The following CD164 variants were observed in gnomAD, a reference collection of about 807,000 sequenced individuals.
CD164 encodes CD164 molecule.
A neutral mutation model predicts 24.6 loss-of-function variants in CD164; 11 were observed. The observed-to-expected ratio is 0.45, with a 90% CI of 0.28 to 0.74. The LOEUF (loss-of-function observed/expected upper bound fraction) is 0.74. Ranked by LOEUF, CD164 falls within the 30% of genes least tolerant of loss-of-function variation. CD164 has a pLI of 0.13. For missense variants in CD164, 295 were observed against 243.7 expected, an observed-to-expected ratio of 1.21 and a Z score of -1.40; for synonymous variants, 126 against 100.3, an observed-to-expected ratio of 1.26 and a Z score of -1.53.
Position 109,368,213 on chromosome 6 carries a change from T to A in CD164, c.*638A>T. 2 of 1,413,134 alleles carry A rather than the reference T, an allele frequency of 1.4e-6. No individual in the cohort carries two copies. Among genetic ancestry groups the A allele is most frequent in the Non-Finnish European group, 1.9e-6 (2 of 1,045,486 alleles). 87.5% of individuals were successfully genotyped at this position (1,413,134 alleles called of 1,614,324 possible). The stretch of plus-strand genomic sequence containing the variant: ...TCTTCTAAGGCACTGTTCTTTATAT[T>A]CTCAATGACATAAGATGCTTTACAA... On this transcript the variant is annotated 3_prime_UTR_variant, in exon 6 of 6. Coordinates refer to ENST00000310786, the MANE Select transcript of CD164 (RefSeq NM_006016.6).
intron 4 of CD164, among the ~76,000 whole-genome samples, chr6:109,375,437 T>C (rs1771337903): frequency 6.6e-6 from 1 of 151,618 alleles, no homozygotes; most frequent in Admixed American, 6.6e-5. Context: ...GCCAATGTGG[T>C]GAAACCGTGA....
intron 4 of CD164, among the ~76,000 whole-genome samples, chr6:109,374,651 CA>C (rs1361716539): frequency 3.3e-5 from 5 of 152,186 alleles, no homozygotes; most frequent in African/African-American, 4.8e-5. Flanking sequence ...AGTCTACCAG[CA>C]AGGCATACAA....
intron 5 of CD164, among the ~76,000 whole-genome samples, chr6:109,370,191 C>T (rs185873954): frequency 8.5e-5 from 13 of 152,214 alleles, no homozygotes; most frequent in African/African-American, 3.1e-4. Flanking sequence ...TAAAGTGTCA[C>T]GTCAAATGTG....
rs1373506593 is a variant in CD164 at position 109,367,224 on chromosome 6, A to C, written c.*1627T>G. On this transcript the variant is annotated 3_prime_UTR_variant, in exon 6 of 6. Transcript: ENST00000310786. ...CTTGAAAACATTAAGTATATGTACA[A>C]ATGTGCAAGTAAAACAAACAGCTGT... 3.3e-5 allele frequency: 5 copies of C among 152,656 alleles called. No individual in the cohort carries two copies. Among genetic ancestry groups the C allele is most frequent in the African/African-American group, 1.2e-4 (5 of 41,466 alleles). 9.5% of individuals were successfully genotyped at this position (152,656 alleles called of 1,614,324 possible).
intron 2 of CD164, among the ~76,000 whole-genome samples, 167 bp from the exon 3 acceptor site, chr6:109,378,138 G>T (rs1435436220): frequency 6.6e-6 from 1 of 152,146 alleles, no homozygotes; most frequent in East Asian, 1.9e-4. Flanking sequence ...ACCAAACCCT[G>T]TCATTCTCCT....
chr6:109,379,432 G>A (rs1582490194), intron 2 of CD164, 147 bp downstream of exon 2: 2 of 542,220 alleles, frequency 3.7e-6, no homozygotes, highest in Non-Finnish European at 6.5e-6. Context: ...GGGAGTGCGA[G>A]GCAACTGGCA....
chr6:109,378,007 C>T (rs1197696995), intron 2 of CD164, 36 bp from the exon 3 acceptor site: 1 of 1,516,940 alleles, frequency 6.6e-7, no homozygotes, highest in Non-Finnish European at 9.1e-7. Flanking sequence ...CAAACAGCAT[C>T]AACCACCCAT....
intron 1 of CD164, chr6:109,380,424 T>C (rs902916272): frequency 3.9e-5 from 6 of 152,212 alleles, no homozygotes; most frequent in South Asian, 4.1e-4. Flanking sequence ...CTCCATTCAT[T>C]TTCCTAGAAA....
intron 2 of CD164, among the ~76,000 whole-genome samples, chr6:109,378,208 CATT>C (rs1007721823): frequency 6.6e-6 from 1 of 152,188 alleles, no homozygotes; most frequent in African/African-American, 2.4e-5. Flanking sequence ...TAAAAATCCA[CATT>C]AATATACTGA....
chr6:109,369,967 T>C (rs1366243404), intron 5 of CD164, among the ~76,000 whole-genome samples: 1 of 152,206 alleles, frequency 6.6e-6, no homozygotes, highest in Non-Finnish European at 1.5e-5. Flanking sequence ...TGAGCAATGT[T>C]AAGAAATGGT....
intron 2 of CD164, 52 bp downstream of exon 2, chr6:109,379,527 T>C: frequency 7.9e-7 from 1 of 1,271,170 alleles, no homozygotes; most frequent in Non-Finnish European, 1.1e-6. Flanking sequence ...CAAGAATTAC[T>C]GTATTTTAAA....
At chr6:109,372,205 T>C (rs1157429304) in intron 4 of CD164, 1 of 152,118 alleles carries the variant, frequency 6.6e-6, no homozygotes, top group Admixed American at 6.5e-5. Flanking sequence ...CCTCCCAAAT[T>C]CTACTAATAT....
intron 3 of CD164, among the ~76,000 whole-genome samples, chr6:109,376,371 C>A (rs968973292): frequency 5.9e-5 from 9 of 152,186 alleles, no homozygotes; most frequent in Admixed American, 5.9e-4. Flanking sequence ...CAGGCCATCA[C>A]GCATAACCTC....
At chr6:109,379,434 C>T in intron 2 of CD164, 145 bp downstream of exon 2, 1 of 544,718 alleles carries the variant, frequency 1.8e-6, no homozygotes, top group Non-Finnish European at 3.2e-6. Flanking sequence ...GAGTGCGAGG[C>T]AACTGGCACT....
intron 5 of CD164, among the ~76,000 whole-genome samples, chr6:109,369,764 G>A (rs978015638): frequency 6.6e-6 from 1 of 152,134 alleles, no homozygotes; most frequent in Admixed American, 6.5e-5. Flanking sequence ...TGAGAAAAAG[G>A]TGGCATAAGC....
chr6:109,368,792 T>A lies in CD164; in HGVS notation c.*59A>T. On this transcript the variant is annotated 3_prime_UTR_variant, in exon 6 of 6. Coordinates refer to ENST00000310786, the MANE Select transcript of CD164 (RefSeq NM_006016.6). ...TGTGGGACATCTTAAAAGATAGTAT[T>A]TTGGCTTCAGTGAGTTACACAAATG... 4 of 1,552,642 alleles carry A rather than the reference T, an allele frequency of 2.6e-6. No homozygotes were observed. Among genetic ancestry groups the A allele is most frequent in the Non-Finnish European group, 3.5e-6 (4 of 1,155,104 alleles).
At chr6:109,370,310 T>G in intron 5 of CD164, 101 bp downstream of exon 5, 1 of 916,648 alleles carries the variant, frequency 1.1e-6, no homozygotes, top group Non-Finnish European at 1.8e-6. Flanking sequence ...TTCAGTTCCA[T>G]AACCATTAAC....
Position 109,382,392 on chromosome 6 carries a change from C to G in CD164, c.-14G>C, listed in dbSNP as rs746691725. ...GAGCCGCGACATCGTGTCCTCAGCG[C>G]TGGCGTTCGGGAGAAAGCTAAGGCT... is the stretch of plus-strand genomic sequence containing the variant. On this transcript the variant is annotated 5_prime_UTR_variant, in exon 1 of 6. Coordinates refer to ENST00000310786, the MANE Select transcript of CD164 (RefSeq NM_006016.6). 18 of 1,514,408 alleles carry G rather than the reference C, an allele frequency of 1.2e-5. No homozygotes were observed. Among genetic ancestry groups the G allele is most frequent in the Non-Finnish European group, 1.5e-5 (17 of 1,133,372 alleles). The allele number at this position is 1,514,408 out of a possible 1,614,324, so 93.8% of individuals were successfully genotyped here.
chr6:109,381,700 C>A (rs1771758212), intron 1 of CD164: 1 of 637,320 alleles, frequency 1.6e-6, no homozygotes, highest in South Asian at 1.7e-5. Context: ...GAGACACGAA[C>A]GAGCATTACC....
Sources: allele counts gnomAD v4.1 joint callset (sites outside exome capture counted in the v4.1 genomes callset), GRCh38; gene constraint gnomAD v4.1.1; transcripts MANE v1.5; gene names NCBI Gene and HGNC (gene_info 2026-07-23, HGNC 2026-07-21).